Variants in GLI3 observed in about 807,000 individuals in gnomAD.
GLI3 encodes GLI family zinc finger 3.
A neutral mutation model predicts 100.8 loss-of-function variants in GLI3; 20 were observed. The ratio of observed to expected loss-of-function variants is 0.20; its 90% confidence interval spans 0.14 to 0.29. GLI3 has a LOEUF of 0.29. GLI3 is among the 10% of genes least tolerant of loss of function. The pLI is 1.00. For missense variants in GLI3, 2,040 were observed against 2,128.5 expected, an observed-to-expected ratio of 0.96 and a Z score of 0.82; for synonymous variants, 938 against 860.5, an observed-to-expected ratio of 1.09 and a Z score of -1.58.
chr7:42,197,765 T>C (rs1186746325), intron 2 of GLI3, among the ~76,000 whole-genome samples: 2 of 152,158 alleles, frequency 1.3e-5, no homozygotes, highest in Non-Finnish European at 2.9e-5. Context: ...TGCTCATGCA[T>C]TGAGACTGAA....
At chr7:41,995,884 C>T (rs1788110481) in intron 10 of GLI3, among the ~76,000 whole-genome samples, 1 of 152,200 alleles carries the variant, frequency 6.6e-6, no homozygotes, top group Non-Finnish European at 1.5e-5. Flanking sequence ...AGATCCTAGA[C>T]TCTGGGGCAC....
chr7:42,199,427 AG>A lies in GLI3; in HGVS notation c.124+23702del, dbSNP rs1170732584. Among the ~76,000 whole-genome samples, 4 of 152,358 alleles carry A rather than the reference AG, an allele frequency of 2.6e-5. No homozygotes were observed. In the East Asian group the frequency reaches 5.8e-4, roughly 22 times the overall value. On this transcript the variant is annotated intron_variant, in intron 2 of 14. Transcript: ENST00000395925. ...TCAATACACACAGGCAGAAAACCAG[AG>A]TACGGGCACACAAGCAGGACTCCCC...
At position 41,972,218 on chromosome 7, in the gene GLI3, T is replaced by A. The variant is rs983971753; in HGVS notation, c.2103+119A>T. On this transcript the variant is annotated intron_variant, in intron 13 of 14. Transcript: ENST00000395925. This position sits in a 1 kb window ranked among gnomAD's most constrained non-coding sequence, Gnocchi z 4.4. ...AATACGGGTCACTGCCCTCATCGCC[T>A]CCTCAGATCAGAGACAGCCTGACAC... 4.3e-6 allele frequency: 4 copies of A among 941,006 alleles called. No individual in the cohort carries two copies. Among genetic ancestry groups the A allele is most frequent in the Non-Finnish European group, 7.0e-6 (4 of 571,564 alleles). The allele number at this position is 941,006 out of a possible 1,614,324, so 58.3% of individuals were successfully genotyped here.
intron 2 of GLI3, among the ~76,000 whole-genome samples, chr7:42,210,844 A>G (rs1317151557): frequency 2.0e-5 from 3 of 152,304 alleles, no homozygotes; most frequent in African/African-American, 4.8e-5. Context: ...TTCCTCTTCA[A>G]TCTAGAAAAA....
chr7:41,990,805 G>C (rs182710914), intron 10 of GLI3, among the ~76,000 whole-genome samples: 1 of 151,784 alleles, frequency 6.6e-6, no homozygotes, highest in East Asian at 1.9e-4. Context: ...GCTAAGGGAG[G>C]GTCTTACACG....
chr7:41,963,778 A>T lies in GLI3; in HGVS notation c.*552T>A, dbSNP rs1159433743. On this transcript the variant is annotated 3_prime_UTR_variant, in exon 15 of 15. Transcript: ENST00000395925. Reference sequence around the variant, plus strand: ...CTGTCATCTATGCTACAGTGCACCCACAAAAGTTTCTTAAACTAGCTATCC... The same window carrying T: ...CTGTCATCTATGCTACAGTGCACCCTCAAAAGTTTCTTAAACTAGCTATCC... 1 of 158,440 alleles carries T rather than the reference A, an allele frequency of 6.3e-6. No homozygotes were observed. Among genetic ancestry groups the T allele is most frequent in the African/African-American group, 2.4e-5 (1 of 41,468 alleles). 9.8% of individuals were successfully genotyped at this position (158,440 alleles called of 1,614,324 possible). A position where few individuals can be genotyped will look rare whatever the true frequency, so the allele number is the denominator to read the frequency against.
At chr7:42,226,318 CTAAT>C (rs1181394164) in intron 1 of GLI3, among the ~76,000 whole-genome samples, 6 of 152,126 alleles carry the variant, frequency 3.9e-5, no homozygotes, top group Non-Finnish European at 8.8e-5. Flanking sequence ...GCAGAGGGTG[CTAAT>C]TAATAGGAAT....
intron 3 of GLI3, chr7:42,145,627 A>AAAAAAAAAAAACAGTCTAC: frequency 5.0e-6 from 2 of 397,132 alleles, no homozygotes; most frequent in Non-Finnish European, 8.9e-6. Context: ...AGAAAGAAAA[A>AAAAAAAAAAAACAGTCTAC]AAAAAAAAAC....
intron 3 of GLI3, among the ~76,000 whole-genome samples, chr7:42,083,988 A>G (rs1785049565): frequency 6.6e-6 from 1 of 152,244 alleles, no homozygotes; most frequent in African/African-American, 2.4e-5. Context: ...CTAATTAACA[A>G]TAAAAAGTAA....
chr7:42,013,787 A>G (rs1788685372), intron 10 of GLI3, among the ~76,000 whole-genome samples: 2 of 152,206 alleles, frequency 1.3e-5, no homozygotes, highest in Non-Finnish European at 2.9e-5. Flanking sequence ...TATCTCCCAT[A>G]AACTATCAGA....
intron 10 of GLI3, among the ~76,000 whole-genome samples, chr7:42,000,945 T>C (rs568624870): frequency 6.6e-6 from 1 of 151,616 alleles, no homozygotes; most frequent in South Asian, 2.1e-4. Flanking sequence ...TAAAACATTT[T>C]AAGAAAAAAA....
intron 1 of GLI3, among the ~76,000 whole-genome samples, chr7:42,243,469 T>C (rs1788943923): frequency 6.6e-6 from 1 of 152,196 alleles, no homozygotes. Context: ...CAGATGCATA[T>C]AAAAGAGAAC....
intron 1 of GLI3, among the ~76,000 whole-genome samples, chr7:42,257,650 G>A (rs117977110): frequency 2.1e-3 from 315 of 151,950 alleles, no homozygotes; most frequent in Non-Finnish European, 3.5e-3. Context: ...GTCCCATTCA[G>A]TCTTTTACTG....
chr7:42,177,037 C>G (rs932633819), intron 2 of GLI3, among the ~76,000 whole-genome samples: 13 of 152,204 alleles, frequency 8.5e-5, no homozygotes, highest in African/African-American at 3.1e-4. Flanking sequence ...GTCTAATTCA[C>G]CTATTTACTG....
chr7:41,975,701 A>G (rs1426807707), intron 12 of GLI3, among the ~76,000 whole-genome samples: 1 of 152,190 alleles, frequency 6.6e-6, no homozygotes, highest in African/African-American at 2.4e-5. Flanking sequence ...AAGCAAACAG[A>G]CATGTACAAA....
At chr7:42,263,001 G>T (rs1289890774) in intron 1 of GLI3, among the ~76,000 whole-genome samples, 4 of 151,694 alleles carry the variant, frequency 2.6e-5, no homozygotes, top group Non-Finnish European at 5.9e-5. Flanking sequence ...TTTGGCGAGA[G>T]CTATGGAACT....
rs1225418469 is a variant in GLI3 at position 42,223,196 on chromosome 7, T to C, written c.58A>G (p.Ile20Val). Reference sequence around the variant, plus strand: ...TCTGTTCGAGTGGAGCACTTCACTATGGAATTCTCAACTTTTTTCTTTTCA... The same window carrying C: ...TCTGTTCGAGTGGAGCACTTCACTACGGAATTCTCAACTTTTTTCTTTTCA... The part of the protein sequence containing the change: ...TTEKKKVENS[I>V]VKCSTRTDVS... Residue 20 changes from isoleucine to valine, a missense_variant, in exon 2 of 15, where the codon ATA (isoleucine) becomes GTA (valine). Around this residue, in one of 5 missense-constraint regions of GLI3, gnomAD observed 603 missense variants for 690.9 expected, o/e 0.87. Coordinates refer to ENST00000395925, the MANE Select transcript of GLI3 (RefSeq NM_000168.6). 4 of 1,613,882 alleles carry C rather than the reference T, an allele frequency of 2.5e-6. No homozygotes were observed. Among genetic ancestry groups the C allele is most frequent in the South Asian group, 2.2e-5 (2 of 91,072 alleles).
chr7:42,096,393 T>C (rs1785338871), intron 3 of GLI3, among the ~76,000 whole-genome samples: 1 of 151,714 alleles, frequency 6.6e-6, no homozygotes, highest in African/African-American at 2.4e-5. Flanking sequence ...CTTTAAAGAG[T>C]GTCCAGTGTC....
intron 3 of GLI3, among the ~76,000 whole-genome samples, chr7:42,105,250 G>A (rs1785547642): frequency 1.3e-5 from 2 of 152,034 alleles, no homozygotes; most frequent in East Asian, 1.9e-4. Context: ...GGCTTGATGT[G>A]GACTGATAAT....
Sources: allele counts gnomAD v4.1 joint callset (sites outside exome capture counted in the v4.1 genomes callset), GRCh38; gene constraint gnomAD v4.1.1; regional missense constraint gnomAD v4.1.1; non-coding constraint Gnocchi (gnomAD v3.1); transcripts MANE v1.5; gene names NCBI Gene and HGNC (gene_info 2026-07-23, HGNC 2026-07-21).